GTF3C5: variants seen among roughly 807,000 people sequenced by gnomAD.
GTF3C5 encodes general transcription factor 3C polypeptide 5.
Under a neutral mutation model 61.0 loss-of-function variants are expected in GTF3C5, and 47 were observed. That is an observed-to-expected ratio of 0.77 (90% CI 0.61 to 0.98). The LOEUF is 0.98. GTF3C5 is among the 50% of genes least tolerant of loss of function. The pLI, the probability that GTF3C5 is intolerant of heterozygous loss-of-function variation, is 0.00. For synonymous variants in GTF3C5, 295 were observed against 275.4 expected (o/e 1.07, Z -0.71); for missense variants, 659 against 703.3 (o/e 0.94, Z 0.71).
intron 2 of GTF3C5, 24 bp downstream of exon 2, chr9:133,042,330 T>C: frequency 1.4e-6 from 2 of 1,466,008 alleles, no homozygotes; most frequent in Non-Finnish European, 1.9e-6. Flanking sequence ...GCTCTTGCAA[T>C]GTCTGGTTAT....
Position 133,056,101 on chromosome 9 carries a change from A to T in GTF3C5, c.1250+7A>T. The T allele has an allele frequency of 6.8e-6, 11 of 1,612,942 alleles. No individual in the cohort carries two copies. The highest frequency in any genetic ancestry group is 9.3e-6 in the Non-Finnish European group (11 of 1,179,062). On this transcript the variant is annotated splice_region_variant and intron_variant, in intron 9 of 10. Transcript: ENST00000372097. ...GCGACTTGAATGTGGAAGAGTACGT[A>T]TGGGAGGGGCCCTGAGACACTGAGG...
At chr9:133,056,615 AGCTTGT>A (rs1291378381) in intron 9 of GTF3C5, 145 bp from the exon 10 acceptor site, 1 of 666,570 alleles carries the variant, frequency 1.5e-6, no homozygotes, top group Non-Finnish European at 2.4e-6. Context: ...GGGAACACAC[AGCTTGT>A]GTTTCCAGTT....
At chr9:133,036,099 C>A (rs1057236993) in intron 1 of GTF3C5, among the ~76,000 whole-genome samples, 7 of 152,160 alleles carry the variant, frequency 4.6e-5, no homozygotes, top group African/African-American at 1.4e-4. Flanking sequence ...TCCATTATGT[C>A]TTTTTCCTTC....
At chr9:133,050,108 T>C (rs943223020) in intron 3 of GTF3C5, among the ~76,000 whole-genome samples, 1 of 151,918 alleles carries the variant, frequency 6.6e-6, no homozygotes, top group Non-Finnish European at 1.5e-5. Context: ...AGCCAAAGAG[T>C]CATGCTCTGT....
chr9:133,050,086 G>C (rs918948835), intron 3 of GTF3C5, among the ~76,000 whole-genome samples: 1 of 152,142 alleles, frequency 6.6e-6, no homozygotes, highest in East Asian at 1.9e-4. Flanking sequence ...ACATGTGGTC[G>C]AGATGCTTGT....
At chr9:133,047,681 C>G (rs970265030) in intron 3 of GTF3C5, among the ~76,000 whole-genome samples, 6 of 152,140 alleles carry the variant, frequency 3.9e-5, no homozygotes, top group African/African-American at 1.4e-4. Context: ...GCCATCACGC[C>G]CAGCTAACTT....
intron 8 of GTF3C5, chr9:133,055,201 C>T (rs1270984640): frequency 6.5e-7 from 1 of 1,527,892 alleles, no homozygotes; most frequent in South Asian, 1.2e-5. Context: ...GTGGCAGGAG[C>T]CTCACTGGCT....
chr9:133,050,895 C>A lies in GTF3C5; in HGVS notation c.685C>A (p.Gln229Lys). 6.2e-7 allele frequency: 1 copy of A among 1,613,838 alleles called. No individual in the cohort carries two copies. Among genetic ancestry groups the A allele is most frequent in the Non-Finnish European group, 8.5e-7 (1 of 1,179,856 alleles). Reference protein sequence around the residue: ...VNFEDEEVPKQPLEAAAQTWR... With the variant: ...VNFEDEEVPKKPLEAAAQTWR... ...CTTTGAGGATGAGGAGGTGCCCAAG[C>A]AGCCACTGGAGGCTGCAGCCCAGAC... The change falls in exon 4 of 11, where the codon CAG becomes AAG. Residue 229 changes from glutamine (Q) to lysine (K), a missense_variant. Gln to Lys is a moderately conservative substitution (Grantham distance 53). Coordinates refer to ENST00000372097, the MANE Select transcript of GTF3C5 (RefSeq NM_012087.4).
At chr9:133,054,671 C>G (rs1209016659) in intron 7 of GTF3C5, 41 bp from the exon 8 acceptor site, 8 of 1,519,196 alleles carry the variant, frequency 5.3e-6, no homozygotes, top group Non-Finnish European at 7.2e-6. Context: ...CACCTCCTCC[C>G]CACCCTGCAC....
intron 1 of GTF3C5, among the ~76,000 whole-genome samples, chr9:133,037,009 G>A (rs930398803): frequency 6.6e-5 from 10 of 152,080 alleles, no homozygotes; most frequent in African/African-American, 2.4e-4. Context: ...GGTCATCCAC[G>A]TATTGGAGCA....
rs1850345817 is a variant in GTF3C5 at position 133,050,763 on chromosome 9, C to T, written c.573-20C>T. The T allele has an allele frequency of 6.3e-7, 1 of 1,594,592 alleles. No individual in the cohort carries two copies. The highest frequency in any genetic ancestry group is 1.1e-5 in the South Asian group (1 of 90,054). On this transcript the variant is annotated intron_variant, in intron 3 of 10. Coordinates refer to ENST00000372097, the MANE Select transcript of GTF3C5 (RefSeq NM_012087.4). The stretch of plus-strand genomic sequence containing the variant: ...GATGGCCTTGGTGCTCCTGTTCTCA[C>T]CTGTACTCTCTGCCCCCAGGGAAGG...
In GTF3C5 at chr9:133,058,226, G is replaced by T; in HGVS notation, c.*246G>T. 1 of 1,214,270 alleles carries T rather than the reference G, an allele frequency of 8.2e-7. No individual in the cohort carries two copies. The highest frequency in any genetic ancestry group is 1.0e-6 in the Non-Finnish European group (1 of 953,058). The allele number at this position is 1,214,270 out of a possible 1,614,324, so 75.2% of individuals were successfully genotyped here. On this transcript the variant is annotated 3_prime_UTR_variant, in exon 11 of 11. Coordinates refer to ENST00000372097, the MANE Select transcript of GTF3C5 (RefSeq NM_012087.4). ...GGTATACCCTGGCTCTGCCACCCAT[G>T]AACCAGCCCAGCATCCAGCCAGTGA...
intron 1 of GTF3C5, among the ~76,000 whole-genome samples, chr9:133,039,211 A>G (rs993164100): frequency 9.2e-5 from 14 of 152,168 alleles, no homozygotes; most frequent in South Asian, 2.1e-4. Context: ...GCCACTGGCA[A>G]TTATCTGCCT....
intron 4 of GTF3C5, 41 bp from the exon 5 acceptor site, chr9:133,052,019 C>T (rs1480360133): frequency 9.3e-7 from 1 of 1,079,068 alleles, no homozygotes; most frequent in Admixed American, 2.0e-5. Flanking sequence ...AGGGTGGAAG[C>T]TGCTGGTGCT....
At chr9:133,049,212 C>T (rs1850299406) in intron 3 of GTF3C5, among the ~76,000 whole-genome samples, 1 of 152,226 alleles carries the variant, frequency 6.6e-6, no homozygotes, top group African/African-American at 2.4e-5. Context: ...GGGGAGCGGT[C>T]TGGGGATGCA....
chr9:133,030,984 C>G (rs758833918), upstream of GTF3C5: 1 of 1,611,400 alleles, frequency 6.2e-7, no homozygotes, highest in Non-Finnish European at 8.5e-7. Flanking sequence ...TGGGACGGAC[C>G]CTGGCGGGCC....
chr9:133,048,292 C>G (rs1850263538), intron 3 of GTF3C5, among the ~76,000 whole-genome samples: 1 of 152,126 alleles, frequency 6.6e-6, no homozygotes, highest in Non-Finnish European at 1.5e-5. Flanking sequence ...GAGGTCAGAT[C>G]AAGACCATCC....
chr9:133,039,273 A>G (rs763086363), intron 1 of GTF3C5, among the ~76,000 whole-genome samples: 2 of 152,244 alleles, frequency 1.3e-5, no homozygotes, highest in Non-Finnish European at 2.9e-5. Context: ...TTATTCTGAC[A>G]AAGGCTTATA....
chr9:133,046,911 G>A (rs1405273505), intron 3 of GTF3C5, among the ~76,000 whole-genome samples: 2 of 152,170 alleles, frequency 1.3e-5, no homozygotes. Context: ...CCAGAGAATG[G>A]GGGTGGGGAG....
Sources: allele counts gnomAD v4.1 joint callset (sites outside exome capture counted in the v4.1 genomes callset), GRCh38; gene constraint gnomAD v4.1.1; transcripts MANE v1.5; gene names NCBI Gene and HGNC (gene_info 2026-07-23, HGNC 2026-07-21).